Variants in KLF8 observed in about 807,000 individuals in gnomAD.
KLF8 encodes the protein KLF transcription factor 8.
A neutral mutation model predicts 18.2 loss-of-function variants in KLF8; 10 were observed. The observed-to-expected ratio is 0.55, with a 90% CI of 0.34 to 0.93. The LOEUF is 0.93. Ranked by LOEUF, KLF8 falls within the 40% of genes least tolerant of loss-of-function variation. The pLI is 0.02. For synonymous variants in KLF8, 109 were observed against 97.3 expected (o/e 1.12, Z -0.71); for missense variants, 264 against 277.9 (o/e 0.95, Z 0.36).
At chrX:56,097,486 A>T in the KLF8 span, among the ~76,000 whole-genome samples, 1 of 107,385 alleles carries the variant, frequency 9.3e-6, no homozygotes, top group Non-Finnish European at 1.9e-5. Context: ...TGTGCACCAC[A>T]CCCAGCTAAT....
chrX:56,150,704 C>G, the KLF8 span, among the ~76,000 whole-genome samples: 1 of 110,753 alleles, frequency 9.0e-6, no homozygotes, highest in African/African-American at 3.3e-5. Flanking sequence ...GCTACTCTCA[C>G]TAGGACTCTT....
chrX:56,208,820 AAAT>A, the KLF8 span, among the ~76,000 whole-genome samples: 3 of 112,151 alleles, frequency 2.7e-5, no homozygotes, highest in Non-Finnish European at 5.6e-5. Flanking sequence ...TGTTCAGAGA[AAAT>A]ACTTGATATT....
the KLF8 span, among the ~76,000 whole-genome samples, chrX:56,145,882 AC>A: frequency 3.6e-5 from 4 of 111,728 alleles, no homozygotes; most frequent in East Asian, 2.8e-4. Flanking sequence ...GAAAAAAAAA[AC>A]ATCAAAAAGT....
At chrX:56,217,048 G>T in the KLF8 span, among the ~76,000 whole-genome samples, 2 of 112,137 alleles carry the variant, frequency 1.8e-5, no homozygotes, top group Non-Finnish European at 3.8e-5. Flanking sequence ...AGAGGGAAAG[G>T]CCTTAATGTT....
chrX:56,050,923 C>G, the KLF8 span, among the ~76,000 whole-genome samples: 3 of 108,805 alleles, frequency 2.8e-5, no homozygotes, highest in Admixed American at 9.8e-5. Context: ...GTAGGTCACT[C>G]AGGACTTGCT....
At chrX:55,942,493 T>A in the KLF8 span, among the ~76,000 whole-genome samples, 64 of 110,296 alleles carry the variant, frequency 5.8e-4, no homozygotes, top group African/African-American at 2.0e-3. Context: ...CGTCATGCAC[T>A]TGTACCCTAA....
At chrX:56,190,414 CAG>C in the KLF8 span, among the ~76,000 whole-genome samples, 12 of 111,671 alleles carry the variant, frequency 1.1e-4, no homozygotes, top group African/African-American at 3.9e-4. Context: ...CAGTATTAGA[CAG>C]ATGTTCCAGA....
At chrX:56,080,168 T>C in the KLF8 span, among the ~76,000 whole-genome samples, 7 of 111,057 alleles carry the variant, frequency 6.3e-5, no homozygotes, top group Admixed American at 9.5e-5. Flanking sequence ...AATATTGTTA[T>C]GTGTGAATTT....
chrX:56,187,075 G>C, the KLF8 span, among the ~76,000 whole-genome samples: 1 of 111,424 alleles, frequency 9.0e-6, no homozygotes, highest in Non-Finnish European at 1.9e-5. Context: ...AAAAATTAAT[G>C]AATCTAGGAG....
chrX:55,984,185 A>G, the KLF8 span, among the ~76,000 whole-genome samples: 1 of 109,946 alleles, frequency 9.1e-6, no homozygotes, highest in Admixed American at 9.8e-5. Context: ...TTACATAGGT[A>G]AACGTGTGCC....
chrX:56,173,649 G>A, the KLF8 span, among the ~76,000 whole-genome samples: 1 of 111,881 alleles, frequency 8.9e-6, no homozygotes, highest in Non-Finnish European at 1.9e-5. Context: ...GTCATTGGTA[G>A]CTTGATGGGG....
chrX:56,115,701 G>A, the KLF8 span, among the ~76,000 whole-genome samples: 2 of 111,753 alleles, frequency 1.8e-5, no homozygotes, highest in African/African-American at 6.5e-5. Flanking sequence ...AAGCAGGATC[G>A]AAAGCTGATA....
At chrX:56,158,433 C>T in the KLF8 span, among the ~76,000 whole-genome samples, 1 of 111,468 alleles carries the variant, frequency 9.0e-6, no homozygotes, top group Non-Finnish European at 1.9e-5. Flanking sequence ...GAAGAAAGTC[C>T]TTGGTAGCTT....
At chrX:56,031,296 A>G in the KLF8 span, among the ~76,000 whole-genome samples, 2 of 112,002 alleles carry the variant, frequency 1.8e-5, no homozygotes, top group African/African-American at 3.3e-5. Flanking sequence ...AAATCAGAGT[A>G]TCAAGAAATT....
At chrX:56,271,018 A>G (rs758032611) in intron 5 of KLF8, among the ~76,000 whole-genome samples, 2 of 112,442 alleles carry the variant, frequency 1.8e-5, no homozygotes, top group East Asian at 2.8e-4. Context: ...AACAATAAAA[A>G]AATACAAATT....
At position 56,243,206 on chromosome X, in the gene KLF8, C is replaced by G. The variant is rs765554061; in HGVS notation, c.8-7025C>G. 2.3e-5 allele frequency: 11 copies of G among 482,671 alleles called. No homozygotes were observed. The African/African-American group carries it at 2.6e-4, about 11-fold the overall frequency. 39.8% of individuals were successfully genotyped at this position (482,671 alleles called of 1,213,427 possible). ...AGCATAGTAGTCAAGCTTGTTTCTCCTGGGGGCACTCCTCCGAGGATATTT... is the reference window on the plus strand; with the variant it reads ...AGCATAGTAGTCAAGCTTGTTTCTCGTGGGGGCACTCCTCCGAGGATATTT... On this transcript the variant is annotated intron_variant, in intron 1 of 5. Transcript: ENST00000468660.
chrX:56,096,990 T>A, the KLF8 span, among the ~76,000 whole-genome samples: 1 of 110,659 alleles, frequency 9.0e-6, no homozygotes, highest in Non-Finnish European at 1.9e-5. Context: ...AAAGACACAA[T>A]GTCAAAGCAC....
the KLF8 span, among the ~76,000 whole-genome samples, chrX:55,946,968 G>A: frequency 2.9e-4 from 32 of 111,449 alleles, no homozygotes; most frequent in Non-Finnish European, 5.1e-4. Context: ...AATGGCGATC[G>A]TTAAAAAGTC....
chrX:56,135,038 A>G, the KLF8 span, among the ~76,000 whole-genome samples: 1 of 111,687 alleles, frequency 9.0e-6, no homozygotes, highest in Admixed American at 9.5e-5. Context: ...TATCATTAAA[A>G]AGTCAGGAAA....
Sources: allele counts gnomAD v4.1 joint callset (sites outside exome capture counted in the v4.1 genomes callset), GRCh38; gene constraint gnomAD v4.1.1; transcripts MANE v1.5; gene names NCBI Gene and HGNC (gene_info 2026-07-23, HGNC 2026-07-21).